NBEA: variants seen among roughly 807,000 people sequenced by gnomAD.
NBEA encodes lysosomal-trafficking regulator 2.
A neutral mutation model predicts 343.4 loss-of-function variants in NBEA; 44 were observed. The ratio of observed to expected loss-of-function variants is 0.13; its 90% CI spans 0.10 to 0.16. The LOEUF (loss-of-function observed/expected upper bound fraction) is 0.16. Ranked by LOEUF, NBEA falls within the 10% of genes least tolerant of loss-of-function variation. The pLI is 1.00. For missense variants in NBEA, 2,555 were observed against 3,631.3 expected (o/e 0.70, Z 7.62); for synonymous variants, 1,175 against 1,238.7 (o/e 0.95, Z 1.08).
chr13:35,333,412 G>A (rs1432078835), intron 36 of NBEA, among the ~76,000 whole-genome samples: 2 of 152,004 alleles, frequency 1.3e-5, no homozygotes, highest in African/African-American at 2.4e-5. Context: ...TTTTATTTTT[G>A]TGCATACATG....
In NBEA at chr13:35,083,289, G is replaced by A. The variant is rs367607974; in HGVS notation, c.1571+12437G>A. ...TCCATTGGTCTATATCTCTGTTTTG[G>A]TACCAGTACCATGCTGTTTTGCTTA... On this transcript the variant is annotated intron_variant, in intron 10 of 58. Coordinates refer to ENST00000379939, the MANE Select transcript of NBEA (RefSeq NM_001385012.1). Among the ~76,000 whole-genome samples the A allele has an allele frequency of 7.2e-5, 11 of 152,014 alleles. No individual in the cohort carries two copies. In the South Asian group the frequency reaches 2.3e-3, roughly 32 times the overall value.
chr13:35,046,044 C>G (rs1227174007), intron 4 of NBEA, among the ~76,000 whole-genome samples: 1 of 152,054 alleles, frequency 6.6e-6, no homozygotes, highest in East Asian at 1.9e-4. Flanking sequence ...TCTTTTGTGT[C>G]AGGCTTCTTT....
At chr13:35,451,050 C>A in intron 39 of NBEA, among the ~76,000 whole-genome samples, 1 of 152,168 alleles carries the variant, frequency 6.6e-6, no homozygotes, top group Non-Finnish European at 1.5e-5. Context: ...AATGCCAGGT[C>A]AAATCTTGCA....
intron 34 of NBEA, among the ~76,000 whole-genome samples, chr13:35,238,913 C>G (rs565029584): frequency 7.2e-5 from 11 of 151,980 alleles, no homozygotes; most frequent in Non-Finnish European, 1.6e-4. Flanking sequence ...CTGACATATT[C>G]TAAAATGAAT....
intron 1 of NBEA, among the ~76,000 whole-genome samples, chr13:34,956,389 G>GT (rs768937551): frequency 0.018 from 1,871 of 104,286 alleles, 19 homozygotes; most frequent in African/African-American, 0.036. Flanking sequence ...AGTGAAAGTT[G>GT]TTTTTTTTTT....
intron 30 of NBEA, among the ~76,000 whole-genome samples, chr13:35,188,983 G>A (rs7994046): frequency 0.023 from 3,474 of 148,358 alleles, 131 homozygotes; most frequent in African/African-American, 0.077. Context: ...GCAGTGGTGC[G>A]ATCCTGGCTC....
intron 41 of NBEA, among the ~76,000 whole-genome samples, chr13:35,510,775 G>A (rs1458890234): frequency 2.0e-5 from 3 of 152,102 alleles, no homozygotes; most frequent in Non-Finnish European, 4.4e-5. Context: ...AATTTTGTTA[G>A]GCACTCATTT....
At chr13:35,073,461 A>G (rs74051236) in intron 10 of NBEA, among the ~76,000 whole-genome samples, 4,163 of 152,282 alleles carry the variant, frequency 0.027, 83 homozygotes, top group South Asian at 0.075. Flanking sequence ...AAGCTCAAAT[A>G]TAAGTTACTT....
At chr13:35,403,519 T>C (rs1206896537) in intron 38 of NBEA, among the ~76,000 whole-genome samples, 1 of 152,040 alleles carries the variant, frequency 6.6e-6, no homozygotes, top group Non-Finnish European at 1.5e-5. Flanking sequence ...ATTCCCTATT[T>C]AATAAATGGT....
intron 34 of NBEA, among the ~76,000 whole-genome samples, chr13:35,257,880 G>A (rs181259249): frequency 6.6e-6 from 1 of 152,150 alleles, no homozygotes; most frequent in Non-Finnish European, 1.5e-5. Context: ...TCTTACTTGA[G>A]TGAACAGTTT....
intron 34 of NBEA, among the ~76,000 whole-genome samples, chr13:35,271,987 A>T (rs2034199499): frequency 6.6e-6 from 1 of 152,196 alleles, no homozygotes; most frequent in Non-Finnish European, 1.5e-5. Flanking sequence ...CAACATTCAA[A>T]TTCAGGAAAT....
At chr13:35,118,872 TC>T (rs750953885) in intron 16 of NBEA, among the ~76,000 whole-genome samples, 164 of 150,984 alleles carry the variant, frequency 1.1e-3, no homozygotes, top group African/African-American at 3.5e-3. Context: ...GTGGTTTTTT[TC>T]TTTCAGCTGG....
chr13:35,505,364 T>G (rs2077037052), intron 41 of NBEA, among the ~76,000 whole-genome samples: 1 of 152,304 alleles, frequency 6.6e-6, no homozygotes, highest in Non-Finnish European at 1.5e-5. Flanking sequence ...CCGCAGTTAA[T>G]GTAAAACTTA....
rs1396386779 is a variant in NBEA at position 34,990,016 on chromosome 13, G to A, written c.294+46902G>A. Among the ~76,000 whole-genome samples the A allele has an allele frequency of 3.3e-5, 5 of 151,140 alleles. 1 individual carries two copies. Among genetic ancestry groups the A allele is most frequent in the Non-Finnish European group, 7.4e-5 (5 of 67,516 alleles). ...CTTTGACTCCATGTCTCACATGCAA[G>A]CACACTGATGCAAGGGGTAGGCTCC... On this transcript the variant is annotated intron_variant, in intron 1 of 58. Transcript: ENST00000379939.
At chr13:35,357,377 A>G (rs1333575298) in intron 38 of NBEA, among the ~76,000 whole-genome samples, 2 of 151,624 alleles carry the variant, frequency 1.3e-5, no homozygotes, top group African/African-American at 4.8e-5. Context: ...GGTTTGTTAT[A>G]TAGATTATTT....
chr13:35,520,061 A>C (rs1193913444), intron 41 of NBEA, among the ~76,000 whole-genome samples: 1 of 152,068 alleles, frequency 6.6e-6, no homozygotes, highest in Non-Finnish European at 1.5e-5. Flanking sequence ...GGATGGTTTC[A>C]GGATGAAACT....
intron 48 of NBEA, among the ~76,000 whole-genome samples, chr13:35,626,743 A>T (rs2083248380): frequency 6.6e-6 from 1 of 152,230 alleles, no homozygotes; most frequent in South Asian, 2.1e-4. Context: ...AAACTAATAT[A>T]GACATAATAC....
intron 18 of NBEA, among the ~76,000 whole-genome samples, chr13:35,144,182 G>T (rs2152697770): frequency 6.6e-6 from 1 of 152,302 alleles, no homozygotes; most frequent in South Asian, 2.1e-4. Flanking sequence ...CAGGAAAGGG[G>T]AGTGTGGGTA....
intron 36 of NBEA, among the ~76,000 whole-genome samples, chr13:35,324,863 G>A (rs191391619): frequency 2.0e-5 from 3 of 152,202 alleles, no homozygotes; most frequent in Non-Finnish European, 2.9e-5. Flanking sequence ...AGCACAATGT[G>A]TGGAATCCAA....
Sources: gnomAD v4.1 joint callset for allele counts (sites outside exome capture counted in the v4.1 genomes callset) on GRCh38, gnomAD v4.1.1 for gene constraint, MANE v1.5 for transcripts, NCBI Gene and HGNC (gene_info 2026-07-23, HGNC 2026-07-21) for gene names.